The following PDXDC1 variants were observed in gnomAD, a reference collection of about 807,000 sequenced individuals.
PDXDC1 encodes pyridoxal dependent decarboxylase domain containing 1, also known as pyridoxal-dependent decarboxylase domain-containing protein 1.
PDXDC1 carries 42 observed loss-of-function variants against 100.1 expected under a neutral mutation model. The ratio of observed to expected loss-of-function variants is 0.42; its 90% CI spans 0.33 to 0.54. PDXDC1 has a LOEUF of 0.54. Ranked by LOEUF, PDXDC1 falls within the 20% of genes least tolerant of loss-of-function variation. The pLI, the probability that PDXDC1 is intolerant of heterozygous loss-of-function variation, is 0.10. For synonymous variants in PDXDC1, 260 were observed against 371.7 expected, an observed-to-expected ratio of 0.70 and a Z score of 3.46; for missense variants, 636 against 979.2, an observed-to-expected ratio of 0.65 and a Z score of 4.68.
rs1243732917 is a variant in PDXDC1, at chr16:14,975,038, AG to A, written c.-160del. On this transcript the variant is annotated 5_prime_UTR_variant, in exon 1 of 23. Coordinates refer to ENST00000396410, the MANE Select transcript of PDXDC1 (RefSeq NM_015027.4). Reference sequence around the variant, plus strand: ...CCCGCCCCGCCGCCTCTCAACCATCAGGTTCGGCAGCCCGCGGCGCCGCCTG... The same window carrying A: ...CCCGCCCCGCCGCCTCTCAACCATCAGTTCGGCAGCCCGCGGCGCCGCCTG... 2 of 1,522,976 alleles carry A rather than the reference AG, an allele frequency of 1.3e-6. No individual in the cohort carries two copies. Among genetic ancestry groups the A allele is most frequent in the African/African-American group, 1.4e-5 (1 of 72,376 alleles). The allele number at this position is 1,522,976 out of a possible 1,614,324, so 94.3% of individuals were successfully genotyped here.
intron 1 of PDXDC1, among the ~76,000 whole-genome samples, chr16:14,994,377 C>G (rs1416405667): frequency 6.6e-6 from 1 of 152,416 alleles, no homozygotes; most frequent in East Asian, 1.9e-4. Flanking sequence ...GTTTTCCCAG[C>G]ACCATTTATT....
chr16:15,059,081 A>G (rs2151747891), intron 16 of PDXDC1, among the ~76,000 whole-genome samples: 1 of 152,366 alleles, frequency 6.6e-6, no homozygotes, highest in South Asian at 2.1e-4. Context: ...ACCAATGAAC[A>G]GTTCTCAAGG....
chr16:15,139,784 A>C (rs1487676874), downstream of PDXDC1, among the ~76,000 whole-genome samples: 2 of 152,082 alleles, frequency 1.3e-5, no homozygotes, highest in African/African-American at 2.4e-5. Context: ...CGGTCTCGAA[A>C]GAAAAGAAAG....
intron 16 of PDXDC1, among the ~76,000 whole-genome samples, chr16:15,088,421 C>A (rs902261956): frequency 6.6e-6 from 1 of 152,000 alleles, no homozygotes; most frequent in African/African-American, 2.4e-5. Flanking sequence ...GAGCCATGAT[C>A]GGGCCCATTA....
rs145686441 is a variant in PDXDC1 at position 15,043,778 on chromosome 16, T to C, written c.1399+13722T>C. Among the ~76,000 whole-genome samples the C allele has an allele frequency of 1.6e-3, 250 of 152,200 alleles. 1 individual carries two copies. Among genetic ancestry groups the C allele is most frequent in the Middle Eastern group, 0.014 (4 of 294 alleles). On this transcript the variant is annotated intron_variant, in intron 16 of 16. Transcript: ENST00000535621. ...GCCTGGCCAACATGGTGAAACCCCA[T>C]TTCTACCAAAAATACAAAAATTAGG...
the PDXDC1 span, among the ~76,000 whole-genome samples, chr16:15,148,887 C>T: frequency 2.6e-5 from 4 of 152,148 alleles, no homozygotes; most frequent in South Asian, 2.1e-4. Flanking sequence ...CCGGCAATCG[C>T]GTACAGGAGT....
At chr16:15,024,527 C>G (rs2042440486) in intron 13 of PDXDC1, among the ~76,000 whole-genome samples, 1 of 152,242 alleles carries the variant, frequency 6.6e-6, no homozygotes, top group Non-Finnish European at 1.5e-5. Flanking sequence ...GTTCTCCTGC[C>G]TCAGCCTCCC....
At chr16:15,090,619 T>C (rs2046092070) in intron 16 of PDXDC1, among the ~76,000 whole-genome samples, 1 of 152,232 alleles carries the variant, frequency 6.6e-6, no homozygotes, top group Admixed American at 6.5e-5. Flanking sequence ...ACTCCATATT[T>C]TTTAAATCTC....
At chr16:15,109,202 C>T (rs928006689) in intron 16 of PDXDC1, 2 of 148,910 alleles carry the variant, frequency 1.3e-5, no homozygotes, top group African/African-American at 2.4e-5. Context: ...ATGACCAAAA[C>T]ATGAAAGACT....
intron 16 of PDXDC1, among the ~76,000 whole-genome samples, chr16:15,074,364 G>C (rs2045363094): frequency 6.6e-6 from 1 of 152,184 alleles, no homozygotes; most frequent in Non-Finnish European, 1.5e-5. Flanking sequence ...GCCAGGCAAA[G>C]ACCCTCTAAA....
rs746228077 is a variant in PDXDC1, at chr16:15,036,297, C to CTGAG, written c.*24_*25insAGTG. ...ATGAGACTCATTGTGTGGTTTGAGA[C>CTGAG]TGTACTGAGTATTGTTTCAGGGAAG... is the stretch of plus-strand genomic sequence containing the variant. On this transcript the variant is annotated 3_prime_UTR_variant, in exon 23 of 23. Transcript: ENST00000396410. 2.5e-6 allele frequency: 4 copies of CTGAG among 1,599,878 alleles called. No homozygotes were observed. The East Asian group carries it at 6.7e-5, about 27-fold the overall frequency.
At chr16:14,988,984 G>A in intron 1 of PDXDC1, 11 of 1,614,214 alleles carry the variant, frequency 6.8e-6, no homozygotes, top group East Asian at 2.2e-5. Flanking sequence ...TCATAGTTGA[G>A]CGTCGACTCC....
chr16:15,065,670 C>T (rs1233032558), intron 16 of PDXDC1, among the ~76,000 whole-genome samples: 1 of 151,866 alleles, frequency 6.6e-6, no homozygotes, highest in Non-Finnish European at 1.5e-5. Flanking sequence ...GTAATAGATA[C>T]TATTCATTAA....
At chr16:15,035,387 G>A in intron 21 of PDXDC1, 62 bp from the exon 22 acceptor site, 1 of 841,778 alleles carries the variant, frequency 1.2e-6, no homozygotes, top group East Asian at 2.9e-5. Context: ...TGTGAGGGCA[G>A]GTGGTGTCTT....
chr16:14,982,255 C>T (rs1968162787), intron 1 of PDXDC1, among the ~76,000 whole-genome samples: 1 of 152,312 alleles, frequency 6.6e-6, no homozygotes, highest in African/African-American at 2.4e-5. Context: ...CATATTCTCA[C>T]AGACACACTC....
chr16:15,104,440 A>C, intron 16 of PDXDC1: 1 of 1,201,548 alleles, frequency 8.3e-7, no homozygotes. Flanking sequence ...CTGAGGGTGG[A>C]GCTGAGGGTG....
At chr16:15,104,170 C>G in intron 16 of PDXDC1, 3 of 706,658 alleles carry the variant, frequency 4.2e-6, no homozygotes, top group Non-Finnish European at 5.9e-6. Context: ...AAACTCCAGT[C>G]TCAAAAAAAA....
At chr16:15,032,067 G>A (rs1281326538) in intron 17 of PDXDC1, 161 bp downstream of exon 17, 62 of 658,566 alleles carry the variant, frequency 9.4e-5, no homozygotes, top group South Asian at 1.9e-5. Flanking sequence ...AAAGCACAGT[G>A]CAAGCAGGCA....
chr16:15,050,969 G>A lies in PDXDC1; in HGVS notation c.1399+20913G>A, dbSNP rs546202479. Among the ~76,000 whole-genome samples the A allele has an allele frequency of 4.6e-5, 7 of 152,330 alleles. No individual in the cohort carries two copies. In the South Asian group the frequency reaches 1.4e-3, roughly 32 times the overall value. ...TGCTCCAGAAGTCAGTGAGAAACAGGTGTGACTGCTCTAAAACTCAGAACA... is the reference window on the plus strand; with the variant it reads ...TGCTCCAGAAGTCAGTGAGAAACAGATGTGACTGCTCTAAAACTCAGAACA... On this transcript the variant is annotated intron_variant, in intron 16 of 16. Transcript: ENST00000535621.
Sources: allele counts gnomAD v4.1 joint callset (sites outside exome capture counted in the v4.1 genomes callset), GRCh38; gene constraint gnomAD v4.1.1; transcripts MANE v1.5; gene names NCBI Gene and HGNC (gene_info 2026-07-23, HGNC 2026-07-21).